TMEM161B: variants seen among roughly 807,000 people sequenced by gnomAD.
TMEM161B encodes transmembrane protein 161B.
A neutral mutation model predicts 61.8 loss-of-function variants in TMEM161B; 34 were observed. The observed-to-expected ratio is 0.55, with a 90% confidence interval of 0.42 to 0.73. TMEM161B has a LOEUF of 0.73. Among genes scored for constraint, TMEM161B ranks in the 30% least tolerant of loss-of-function variants. TMEM161B has a pLI of 0.00. For synonymous variants in TMEM161B, 167 were observed against 192.8 expected, an observed-to-expected ratio of 0.87 and a Z score of 1.11; for missense variants, 456 against 558.5, an observed-to-expected ratio of 0.82 and a Z score of 1.85.
At chr5:88,247,833 C>G (rs916822523) in intron 1 of TMEM161B, among the ~76,000 whole-genome samples, 1 of 152,048 alleles carries the variant, frequency 6.6e-6, no homozygotes, top group Middle Eastern at 3.2e-3. Flanking sequence ...TTTCACCGGT[C>G]TATTTGGTGT....
intron 1 of TMEM161B, among the ~76,000 whole-genome samples, chr5:88,258,833 C>T (rs970511615): frequency 1.3e-5 from 2 of 152,018 alleles, no homozygotes; most frequent in Non-Finnish European, 2.9e-5. Flanking sequence ...ATCAGCTAAG[C>T]GCTGTGTAAA....
chr5:88,239,253 T>C (rs1450079401), intron 2 of TMEM161B, among the ~76,000 whole-genome samples: 2 of 151,998 alleles, frequency 1.3e-5, no homozygotes, highest in African/African-American at 4.8e-5. Context: ...AAAATGCATG[T>C]ACACTAAAAT....
chr5:88,198,887 A>T (rs1750167805), intron 10 of TMEM161B, 89 bp downstream of exon 10: 1 of 1,095,548 alleles, frequency 9.1e-7, no homozygotes, highest in African/African-American at 1.6e-5. Context: ...GATGGGTTGA[A>T]ATACTATCTA....
chr5:88,205,368 C>T (rs185509175), intron 8 of TMEM161B, among the ~76,000 whole-genome samples: 6 of 151,926 alleles, frequency 3.9e-5, no homozygotes, highest in Non-Finnish European at 7.4e-5. Flanking sequence ...AAAACAAACA[C>T]CTCTTACATA....
chr5:88,238,901 G>T (rs1421758608), intron 2 of TMEM161B, among the ~76,000 whole-genome samples: 1 of 151,878 alleles, frequency 6.6e-6, no homozygotes, highest in African/African-American at 2.4e-5. Context: ...GAGAGGAAAT[G>T]AAACTACCTA....
At chr5:88,203,607 T>C (rs1263667182) in intron 8 of TMEM161B, among the ~76,000 whole-genome samples, 2 of 151,712 alleles carry the variant, frequency 1.3e-5, no homozygotes, top group Non-Finnish European at 2.9e-5. Flanking sequence ...CGGAACCTAC[T>C]GCAACAACCC....
chr5:88,252,664 T>C (rs556705956), intron 1 of TMEM161B, among the ~76,000 whole-genome samples: 1 of 152,240 alleles, frequency 6.6e-6, no homozygotes, highest in East Asian at 1.9e-4. Context: ...CGGGAAAAGG[T>C]GTAGACTGAA....
chr5:88,235,610 C>G (rs1380385676), intron 2 of TMEM161B, among the ~76,000 whole-genome samples: 2 of 152,148 alleles, frequency 1.3e-5, no homozygotes, highest in African/African-American at 4.8e-5. Context: ...AGGGTCCTTA[C>G]CAGAACCTGA....
chr5:88,203,255 T>C (rs1313233109), intron 8 of TMEM161B, among the ~76,000 whole-genome samples, 180 bp from the exon 9 acceptor site: 1 of 152,126 alleles, frequency 6.6e-6, no homozygotes, highest in Non-Finnish European at 1.5e-5. Context: ...TTTGAGCCTG[T>C]GAGAAATTAT....
At chr5:88,203,265 T>C (rs529387775) in intron 8 of TMEM161B, among the ~76,000 whole-genome samples, 190 bp from the exon 9 acceptor site, 1 of 152,282 alleles carries the variant, frequency 6.6e-6, no homozygotes, top group South Asian at 2.1e-4. Flanking sequence ...TGAGAAATTA[T>C]ATCATTATCT....
chr5:88,205,703 T>C (rs1057280370), intron 8 of TMEM161B, 111 bp downstream of exon 8: 3 of 1,240,244 alleles, frequency 2.4e-6, no homozygotes, highest in African/African-American at 3.2e-5. Context: ...TGACATCAAA[T>C]GGTTATTAAT....
downstream of TMEM161B, among the ~76,000 whole-genome samples, chr5:88,192,014 A>ATATATATATATGTATATATATATG (rs1561287437): frequency 3.7e-4 from 35 of 93,784 alleles, 1 homozygote; most frequent in African/African-American, 1.6e-3. Context: ...ATATATATAT[A>ATATATATATATGTATATATATATG]TATATATATA....
At chr5:88,219,121 T>G (rs952925553) in intron 5 of TMEM161B, among the ~76,000 whole-genome samples, 6 of 152,136 alleles carry the variant, frequency 3.9e-5, no homozygotes, top group African/African-American at 1.2e-4. Context: ...AAGATGAAAT[T>G]GACATATTAC....
At chr5:88,217,024 A>G (rs1416880509) in intron 5 of TMEM161B, among the ~76,000 whole-genome samples, 5 of 152,224 alleles carry the variant, frequency 3.3e-5, no homozygotes, top group East Asian at 3.8e-4. Context: ...TACTGTAGAC[A>G]TGAGGTACCT....
At chr5:88,238,975 G>A (rs1752302750) in intron 2 of TMEM161B, among the ~76,000 whole-genome samples, 1 of 151,850 alleles carries the variant, frequency 6.6e-6, no homozygotes. Flanking sequence ...GGCATTACAG[G>A]CAGCATTAAT....
chr5:88,228,313 C>T (rs1300404534), intron 3 of TMEM161B, 132 bp downstream of exon 3: 5 of 660,848 alleles, frequency 7.6e-6, no homozygotes, highest in Non-Finnish European at 1.3e-5. Flanking sequence ...ATTAGATTTT[C>T]ATGGGTTTTG....
downstream of TMEM161B, among the ~76,000 whole-genome samples, chr5:88,189,148 T>C (rs10079963): frequency 0.29 from 43,849 of 152,056 alleles, 7,387 homozygotes; most frequent in African/African-American, 0.44. Flanking sequence ...GGTCACTTCC[T>C]GGGCTGCATA....
intron 5 of TMEM161B, among the ~76,000 whole-genome samples, chr5:88,208,633 A>G (rs955047891): frequency 6.6e-6 from 1 of 152,182 alleles, no homozygotes; most frequent in African/African-American, 2.4e-5. Flanking sequence ...CAAGAGTGAA[A>G]CTCCGTCTCA....
intron 1 of TMEM161B, among the ~76,000 whole-genome samples, chr5:88,243,510 G>A (rs1753086045): frequency 6.6e-6 from 1 of 151,858 alleles, no homozygotes; most frequent in Non-Finnish European, 1.5e-5. Context: ...TGGGCATTTA[G>A]GTTGATTCCA....
Sources: gnomAD v4.1 joint callset for allele counts (sites outside exome capture counted in the v4.1 genomes callset) on GRCh38, gnomAD v4.1.1 for gene constraint, MANE v1.5 for transcripts, NCBI Gene and HGNC (gene_info 2026-07-23, HGNC 2026-07-21) for gene names.